DAPK1: variants seen among roughly 807,000 people sequenced by gnomAD.
DAPK1 encodes death associated protein kinase 1.
Under a neutral mutation model 144.9 loss-of-function variants are expected in DAPK1, and 56 were observed. That is an observed-to-expected ratio of 0.39 (90% CI 0.31 to 0.48). The LOEUF (loss-of-function observed/expected upper bound fraction) is 0.48, where lower values mean the gene tolerates loss of function less well. DAPK1 is among the 20% of genes least tolerant of loss of function. The pLI, the probability that DAPK1 is intolerant of heterozygous loss-of-function variation, is 0.95. For synonymous variants in DAPK1, 690 were observed against 749.0 expected (o/e 0.92, Z 1.29); for missense variants, 1,454 against 1,875.4 (o/e 0.78, Z 4.15).
chr9:87,624,708 C>T (rs1157511534), intron 3 of DAPK1, among the ~76,000 whole-genome samples: 3 of 152,240 alleles, frequency 2.0e-5, no homozygotes, highest in Non-Finnish European at 2.9e-5. Flanking sequence ...CGACTGACCT[C>T]GAGTCAGCTT....
At chr9:87,506,032 C>G (rs1264239573) in intron 2 of DAPK1, among the ~76,000 whole-genome samples, 3 of 152,194 alleles carry the variant, frequency 2.0e-5, no homozygotes, top group African/African-American at 7.2e-5. Context: ...CCAGCATTGC[C>G]TCCCTTCACA....
intron 2 of DAPK1, among the ~76,000 whole-genome samples, chr9:87,520,324 C>G (rs533444891): frequency 6.6e-6 from 1 of 152,246 alleles, no homozygotes; most frequent in South Asian, 2.1e-4. Context: ...TTAGCCTCCT[C>G]GCACTCTGGG....
chr9:87,572,926 G>A (rs1436642015), intron 2 of DAPK1, among the ~76,000 whole-genome samples: 1 of 152,164 alleles, frequency 6.6e-6, no homozygotes, highest in Non-Finnish European at 1.5e-5. Context: ...GGGTGGTGAG[G>A]TTCTAAGCTA....
At chr9:87,603,238 C>T (rs751063894) in intron 2 of DAPK1, among the ~76,000 whole-genome samples, 9 of 152,244 alleles carry the variant, frequency 5.9e-5, no homozygotes, top group East Asian at 3.9e-4. Context: ...CTCTTCTCTC[C>T]GTATGCCCCA....
intron 10 of DAPK1, 33 bp from the exon 11 acceptor site, chr9:87,643,343 C>T (rs1439835736): frequency 1.6e-6 from 2 of 1,230,714 alleles, no homozygotes; most frequent in Admixed American, 4.4e-5. Flanking sequence ...CCTCCCCGCC[C>T]TCCCTTTTTT....
chr9:87,594,855 C>A (rs974875928), intron 2 of DAPK1, among the ~76,000 whole-genome samples: 1 of 152,220 alleles, frequency 6.6e-6, no homozygotes. Context: ...GAGCACCAGG[C>A]CTGAGGAGGT....
intron 20 of DAPK1, among the ~76,000 whole-genome samples, chr9:87,682,138 G>A (rs1386230711): frequency 6.6e-6 from 1 of 152,116 alleles, no homozygotes; most frequent in Non-Finnish European, 1.5e-5. Flanking sequence ...GCACCATCCT[G>A]CTCAGTTCAA....
At chr9:87,613,723 G>A (rs1044955942) in intron 3 of DAPK1, among the ~76,000 whole-genome samples, 1 of 152,110 alleles carries the variant, frequency 6.6e-6, no homozygotes, top group African/African-American at 2.4e-5. Flanking sequence ...GTGGTGGTCG[G>A]GACTTAGGGA....
chr9:87,520,526 G>A (rs772347123), intron 2 of DAPK1, among the ~76,000 whole-genome samples: 2 of 152,160 alleles, frequency 1.3e-5, no homozygotes, highest in African/African-American at 4.8e-5. Flanking sequence ...CTTGAAAGCC[G>A]GAAGACAAGG....
In DAPK1 at chr9:87,498,041, G is replaced by T. The variant is rs2117948309; in HGVS notation, c.-175G>T. On this transcript the variant is annotated 5_prime_UTR_variant, in exon 1 of 26. Coordinates refer to ENST00000408954, the MANE Select transcript of DAPK1 (RefSeq NM_004938.4). ...CCGCCGCCGCCCCGGCTAGTCTCCG[G>T]CGCTGGCGCCTATGGTCGGCCTCCG... The T allele has an allele frequency of 2.5e-6, 1 of 397,978 alleles. No homozygotes were observed. Among genetic ancestry groups the T allele is most frequent in the East Asian group, 3.6e-5 (1 of 28,030 alleles). The allele number at this position is 397,978 out of a possible 1,614,324, so 24.7% of individuals were successfully genotyped here.
intron 2 of DAPK1, among the ~76,000 whole-genome samples, chr9:87,562,414 T>A (rs914233663): frequency 6.6e-6 from 1 of 152,116 alleles, no homozygotes; most frequent in South Asian, 2.1e-4. Context: ...AAGGACTGGG[T>A]CTTGAGGCTT....
At chr9:87,544,325 C>T (rs1349971680) in intron 2 of DAPK1, among the ~76,000 whole-genome samples, 3 of 152,202 alleles carry the variant, frequency 2.0e-5, no homozygotes, top group African/African-American at 7.2e-5. Flanking sequence ...ACTCCACTCA[C>T]TCAAATCTCT....
At chr9:87,705,355 C>T (rs9410613) in intron 25 of DAPK1, among the ~76,000 whole-genome samples, 24,150 of 150,640 alleles carry the variant, frequency 0.16, 3,741 homozygotes, top group African/African-American at 0.41. Flanking sequence ...GATTCTGCCT[C>T]AGCCTACAGA....
At chr9:87,527,290 C>G (rs973005276) in intron 2 of DAPK1, among the ~76,000 whole-genome samples, 1 of 152,200 alleles carries the variant, frequency 6.6e-6, no homozygotes, top group African/African-American at 2.4e-5. Context: ...AGATCTTCTG[C>G]GCTAGGTTGA....
chr9:87,507,642 T>C (rs1168250781), intron 2 of DAPK1, among the ~76,000 whole-genome samples: 2 of 152,158 alleles, frequency 1.3e-5, no homozygotes, highest in African/African-American at 2.4e-5. Flanking sequence ...GAGAATGTTG[T>C]TGATTTTTTT....
intron 2 of DAPK1, among the ~76,000 whole-genome samples, chr9:87,500,233 C>G (rs1824341142): frequency 6.6e-6 from 1 of 152,078 alleles, no homozygotes; most frequent in African/African-American, 2.4e-5. Flanking sequence ...GTTACTGTAA[C>G]AGAGTATTTC....
At chr9:87,560,563 C>CT in intron 2 of DAPK1, among the ~76,000 whole-genome samples, 1 of 152,080 alleles carries the variant, frequency 6.6e-6, no homozygotes, top group Non-Finnish European at 1.5e-5. Context: ...TTAGATACCT[C>CT]ACATGAGTAG....
At chr9:87,607,494 G>A (rs1828772015) in intron 3 of DAPK1, among the ~76,000 whole-genome samples, 1 of 152,130 alleles carries the variant, frequency 6.6e-6, no homozygotes, top group Admixed American at 6.5e-5. Flanking sequence ...TACATATTGT[G>A]CATTCAACAT....
At position 87,550,018 on chromosome 9, in the gene DAPK1, T is replaced by C. The variant is rs191222269; in HGVS notation, c.62+50879T>C. Among the ~76,000 whole-genome samples the C allele has an allele frequency of 1.8e-3, 281 of 152,350 alleles. 1 individual carries two copies. Among genetic ancestry groups the C allele is most frequent in the African/African-American group, 6.4e-3 (268 of 41,574 alleles). On this transcript the variant is annotated intron_variant, in intron 2 of 25. Transcript: ENST00000408954. ...GAGCTCGGTGCTTGTTGCTGGTTTT[T>C]TCTGTGTCGGGTAAAGTTTATATGT...
Sources: gnomAD v4.1 joint callset for allele counts (sites outside exome capture counted in the v4.1 genomes callset) on GRCh38, gnomAD v4.1.1 for gene constraint, MANE v1.5 for transcripts, NCBI Gene and HGNC (gene_info 2026-07-23, HGNC 2026-07-21) for gene names.